MAK: variants seen among roughly 807,000 people sequenced by gnomAD.
MAK encodes the protein serine/threonine-protein kinase MAK.
A neutral mutation model predicts 82.6 loss-of-function variants in MAK; 65 were observed. That is an observed-to-expected ratio of 0.79 (90% CI 0.64 to 0.97). The LOEUF is 0.97. MAK is among the 50% of genes least tolerant of loss of function. The probability of loss-of-function intolerance (pLI) is 0.00; values close to 1 mark genes in which losing one functional copy is unlikely to be tolerated. For synonymous variants in MAK, 250 were observed against 274.2 expected, an observed-to-expected ratio of 0.91 and a Z score of 0.87; for missense variants, 703 against 780.2, an observed-to-expected ratio of 0.90 and a Z score of 1.18.
chr6:10,817,959 G>T lies in MAK; in HGVS notation c.169C>A (p.Leu57Ile). 1 of 1,442,524 alleles carries T rather than the reference G, an allele frequency of 6.9e-7. No individual in the cohort carries two copies. Among genetic ancestry groups the T allele is most frequent in the Non-Finnish European group, 9.5e-7 (1 of 1,047,334 alleles). The allele number at this position is 1,442,524 out of a possible 1,614,324, so 89.4% of individuals were successfully genotyped here. Residue 57 changes from leucine (L) to isoleucine (I), a missense_variant, in exon 4 of 15, where the codon CTT becomes ATT. Coordinates refer to ENST00000354489, the MANE Select transcript of MAK (RefSeq NM_001242957.3). ...NLREVKSLKK[L>I]NHANVIKLKE... Reference sequence around the variant, plus strand: ...AATTTAATAACATTGGCATGATTAAGTTTCTTCAGAGACTGAAAAATAACA... The same window carrying T: ...AATTTAATAACATTGGCATGATTAATTTTCTTCAGAGACTGAAAAATAACA...
At chr6:10,791,343 T>C (rs1473776137) in intron 10 of MAK, among the ~76,000 whole-genome samples, 1 of 152,204 alleles carries the variant, frequency 6.6e-6, no homozygotes, top group African/African-American at 2.4e-5. Flanking sequence ...CTTGGCTCAC[T>C]GCAACATTCA....
At chr6:10,780,256 G>C in intron 11 of MAK, 1 of 982,846 alleles carries the variant, frequency 1.0e-6, no homozygotes, top group Non-Finnish European at 1.2e-6. Context: ...TGCAGACTTT[G>C]TTAGATTTCT....
intron 11 of MAK, among the ~76,000 whole-genome samples, chr6:10,783,111 T>G (rs1774157665): frequency 6.6e-6 from 1 of 152,134 alleles, no homozygotes; most frequent in Non-Finnish European, 1.5e-5. Flanking sequence ...GTTTAGAAAG[T>G]TATAAATGAC....
intron 2 of MAK, among the ~76,000 whole-genome samples, chr6:10,822,146 C>CAAA (rs751345869): frequency 3.3e-4 from 12 of 36,508 alleles, no homozygotes; most frequent in East Asian, 7.9e-4. Flanking sequence ...GACTCCGTCT[C>CAAA]AAAAAAAAAA....
chr6:10,803,090 C>A (rs1275062342), intron 7 of MAK, among the ~76,000 whole-genome samples: 3 of 152,208 alleles, frequency 2.0e-5, no homozygotes, highest in Non-Finnish European at 4.4e-5. Flanking sequence ...TCAAGCAAGG[C>A]TGTCTGTACA....
chr6:10,796,351 A>G, intron 8 of MAK, 42 bp from the exon 9 acceptor site: 2 of 1,508,830 alleles, frequency 1.3e-6, no homozygotes, highest in Non-Finnish European at 1.8e-6. Flanking sequence ...AAACAGTTCC[A>G]CCTAAATGTA....
At chr6:10,783,879 C>T (rs983383418) in intron 11 of MAK, among the ~76,000 whole-genome samples, 4 of 152,030 alleles carry the variant, frequency 2.6e-5, no homozygotes, top group African/African-American at 7.3e-5. Flanking sequence ...ATTAGCCAGG[C>T]GTGGTGGCTC....
chr6:10,819,228 C>A (rs1467250866), intron 2 of MAK, among the ~76,000 whole-genome samples: 2 of 152,114 alleles, frequency 1.3e-5, no homozygotes, highest in Admixed American at 6.6e-5. Context: ...CTTAAAGGGT[C>A]CTTTTCAAGA....
intron 7 of MAK, among the ~76,000 whole-genome samples, chr6:10,803,322 A>G (rs1776156032): frequency 6.6e-6 from 1 of 152,142 alleles, no homozygotes; most frequent in Non-Finnish European, 1.5e-5. Context: ...CAGATCGCAG[A>G]TCGCTTGAGC....
rs57109542 is a variant in MAK at position 10,832,967 on chromosome 6, T to C, written c.-229-2090A>G. ...CAATATTCACTTTATTGCCGTGGTCTGGAGCTAAACCCACAGTATCTCCGA... is the reference window on the plus strand; with the variant it reads ...CAATATTCACTTTATTGCCGTGGTCCGGAGCTAAACCCACAGTATCTCCGA... On this transcript the variant is annotated intron_variant, in intron 1 of 14. Transcript: ENST00000354489. Among the ~76,000 whole-genome samples the C allele has an allele frequency of 3.6e-3, 549 of 152,356 alleles. 7 individuals are homozygous for C. Among genetic ancestry groups the C allele is most frequent in the African/African-American group, 0.013 (533 of 41,586 alleles).
chr6:10,796,004 C>G lies in MAK; in HGVS notation c.1137G>C (p.Met379Ile), dbSNP rs150744360. 60 of 1,613,604 alleles carry G rather than the reference C, an allele frequency of 3.7e-5. No individual in the cohort carries two copies. The highest frequency in any genetic ancestry group is 1.6e-4 in the Middle Eastern group (1 of 6,084). ...QTLFPSIVKN[M>I]PTKPNGTLSH... ...GTCATGACTGGCTACTCACAGTTGG[C>G]ATGTTTTTGACGATGCTCGGGAATA... The change falls in exon 9 of 15, where the codon ATG (methionine) becomes ATC (isoleucine). Residue 379 changes from methionine to isoleucine, a missense_variant. Physicochemically the swap from Met to Ile is conservative, Grantham distance 10. Transcript: ENST00000354489.
chr6:10,818,868 T>A lies in MAK; in HGVS notation c.156+18A>T. On this transcript the variant is annotated intron_variant, in intron 3 of 14. Coordinates refer to ENST00000354489, the MANE Select transcript of MAK (RefSeq NM_001242957.3). ...GTGTTAAGGCCTTCTCAGGTTCTTT[T>A]CATCTTTAGGATTTTACCTTAACTT... The A allele has an allele frequency of 6.7e-7, 1 of 1,485,322 alleles. No homozygotes were observed. The highest frequency in any genetic ancestry group is 9.4e-7 in the Non-Finnish European group (1 of 1,064,566). 92.0% of individuals were successfully genotyped at this position (1,485,322 alleles called of 1,614,324 possible). A position where few individuals can be genotyped will look rare whatever the true frequency, so the allele number is the denominator to read the frequency against.
At chr6:10,826,265 ATT>A (rs756003445) in intron 2 of MAK, among the ~76,000 whole-genome samples, 23 of 148,642 alleles carry the variant, frequency 1.5e-4, no homozygotes, top group Non-Finnish European at 3.1e-4. Flanking sequence ...TAAAAAAATA[ATT>A]TTCTCTCATT....
rs571238999 is a variant in MAK, at chr6:10,826,250, C to G, written c.101+4298G>C. Among the ~76,000 whole-genome samples, 11 of 151,896 alleles carry G rather than the reference C, an allele frequency of 7.2e-5. No homozygotes were observed. In the East Asian group the frequency reaches 1.6e-3, roughly 21 times the overall value. On this transcript the variant is annotated intron_variant, in intron 2 of 14. Coordinates refer to ENST00000354489, the MANE Select transcript of MAK (RefSeq NM_001242957.3). ...CCCTGGAGCATTTCCCCCCACCCCCCCTTTTAAAAAAATAATTTTCTCTCA... is the reference window on the plus strand; with the variant it reads ...CCCTGGAGCATTTCCCCCCACCCCCGCTTTTAAAAAAATAATTTTCTCTCA...
At chr6:10,806,325 C>A (rs564882652) in intron 6 of MAK, among the ~76,000 whole-genome samples, 1 of 58,680 alleles carries the variant, frequency 1.7e-5, no homozygotes, top group African/African-American at 4.7e-5. Context: ...GCCACCATGC[C>A]TGGCTAATTT....
intron 7 of MAK, chr6:10,802,390 C>G (rs1776088707): frequency 4.0e-6 from 1 of 250,290 alleles, no homozygotes; most frequent in African/African-American, 2.3e-5. Flanking sequence ...ACTACAGCCT[C>G]ACCCTCCCGG....
chr6:10,787,640 C>T (rs541691934), intron 10 of MAK, among the ~76,000 whole-genome samples: 51 of 152,118 alleles, frequency 3.4e-4, no homozygotes, highest in African/African-American at 1.2e-3. Flanking sequence ...AGGTGGATCA[C>T]GAGGTCGGGA....
In MAK at chr6:10,800,703, G is replaced by A. The variant is rs1463194191; in HGVS notation, c.831+1189C>T. ...AAAAATACAAAATTAGCCAGGCGTG[G>A]TGGCTCATGCCTGTAATCTCAGCTA... On this transcript the variant is annotated intron_variant, in intron 8 of 14. Transcript: ENST00000354489. This position sits in a 1 kb window ranked among gnomAD's most constrained non-coding sequence, Gnocchi z 4.2. Among the ~76,000 whole-genome samples the A allele has an allele frequency of 6.6e-6, 1 of 152,076 alleles. No individual in the cohort carries two copies. Among genetic ancestry groups the A allele is most frequent in the Non-Finnish European group, 1.5e-5 (1 of 68,030 alleles).
rs191585600 is a variant in MAK, at chr6:10,807,432, C to T, written c.491+1378G>A. On this transcript the variant is annotated intron_variant, in intron 6 of 14. Transcript: ENST00000354489. ...ATCTCGGCTCACTGCAACCTCTGCCCCCAAGGTTCAAGTGATTCTCATGCC... is the reference window on the plus strand; with the variant it reads ...ATCTCGGCTCACTGCAACCTCTGCCTCCAAGGTTCAAGTGATTCTCATGCC... Among the ~76,000 whole-genome samples, 500 of 149,648 alleles carry T rather than the reference C, an allele frequency of 3.3e-3. 7 individuals are homozygous for T. The highest frequency in any genetic ancestry group is 0.012 in the African/African-American group (484 of 40,542).
Sources: allele counts gnomAD v4.1 joint callset (sites outside exome capture counted in the v4.1 genomes callset), GRCh38; gene constraint gnomAD v4.1.1; non-coding constraint Gnocchi (gnomAD v3.1); transcripts MANE v1.5; gene names NCBI Gene and HGNC (gene_info 2026-07-23, HGNC 2026-07-21).